MYH4: variants seen among roughly 807,000 people sequenced by gnomAD.
MYH4 encodes myosin heavy chain 4, also known as myosin-4.
In MYH4, 200 loss-of-function variants were observed where a neutral mutation model predicts 229.9. The ratio of observed to expected loss-of-function variants is 0.87; its 90% CI spans 0.78 to 0.98. The LOEUF (loss-of-function observed/expected upper bound fraction) is 0.98. MYH4 is among the 50% of genes least tolerant of loss of function. The probability of loss-of-function intolerance (pLI) is 0.00; values close to 1 mark genes in which losing one functional copy is unlikely to be tolerated. For missense variants in MYH4, 2,148 were observed against 2,332.6 expected (o/e 0.92, Z 1.63); for synonymous variants, 761 against 834.6 (o/e 0.91, Z 1.52).
At chr17:10,453,391 A>G in intron 23 of MYH4, 63 bp from the exon 24 acceptor site, 1 of 1,611,316 alleles carries the variant, frequency 6.2e-7, no homozygotes, top group South Asian at 1.1e-5. Flanking sequence ...GAAAAACATG[A>G]TGCTGTAGTA....
chr17:10,452,457 C>G lies in MYH4; in HGVS notation c.3307G>C (p.Ala1103Pro), dbSNP rs1384106240. ...TTCTTTTGTAGCTGTATTGCAAGGG[C>G]TTGTTCATCTTCAATCTTGCCTTGC... ...NLQGKIEDEQ[A>P]LAIQLQKKIK... The change falls in exon 26 of 40, where the codon GCC becomes CCC. Residue 1103 changes from alanine (A) to proline (P), a missense_variant. Ala to Pro is a conservative substitution (Grantham distance 27). Coordinates refer to ENST00000255381, the MANE Select transcript of MYH4 (RefSeq NM_017533.2). The G allele has an allele frequency of 5.6e-6, 9 of 1,614,128 alleles. No individual in the cohort carries two copies. The highest frequency in any genetic ancestry group is 7.6e-6 in the Non-Finnish European group (9 of 1,180,016).
intron 27 of MYH4, 54 bp downstream of exon 27, chr17:10,451,887 G>C (rs559585333): frequency 1.3e-6 from 2 of 1,543,752 alleles, no homozygotes; most frequent in East Asian, 4.5e-5. Context: ...ATATAAACTT[G>C]GTCATTTTGA....
At chr17:10,460,863 A>T (rs976883695) in intron 12 of MYH4, 53 bp downstream of exon 12, 2 of 1,602,528 alleles carry the variant, frequency 1.2e-6, no homozygotes, top group African/African-American at 2.7e-5. Context: ...CTGCCTCTGA[A>T]AAGTTCACTA....
chr17:10,452,130 T>C lies in MYH4; in HGVS notation c.3549A>G (p.Glu1183=), dbSNP rs752762977. The C allele has an allele frequency of 3.1e-6, 5 of 1,614,096 alleles. No individual in the cohort carries two copies. In the South Asian group the frequency reaches 5.5e-5, roughly 18 times the overall value. ...AEFQKMRRDL[E]ESTLQHEATA... ...TGGCTTCGTGCTGCAGGGTGGACTC[T>C]TCCAGGTCCCTGCGCATTTTCTGGA... is the stretch of plus-strand genomic sequence containing the variant. Residue 1183 remains glutamate (E), a synonymous_variant, in exon 27 of 40, where the codon GAA becomes GAG. Transcript: ENST00000255381.
chr17:10,454,566 G>A lies in MYH4; in HGVS notation c.2680C>T (p.Gln894Ter). The A allele has an allele frequency of 6.2e-7, 1 of 1,613,642 alleles. No individual in the cohort carries two copies. The highest frequency in any genetic ancestry group is 8.5e-7 in the Non-Finnish European group (1 of 1,179,910). Residue 894 changes from glutamine (Q) to a stop codon, truncating the protein, a stop_gained, in exon 22 of 40, where the codon CAA becomes TAA. Transcript: ENST00000255381. LOFTEE classifies it high-confidence loss of function. ...LMQEKNDLQL[Q>*]VQAEADALAD... ...TGTATAATACTTACAGCTTGAACTT[G>A]GAGTTGTAAGTCATTTTTCTCTTGC...
chr17:10,467,549 A>G (rs543937996), intron 2 of MYH4, among the ~76,000 whole-genome samples: 4 of 152,334 alleles, frequency 2.6e-5, no homozygotes, highest in Admixed American at 2.6e-4. Context: ...GAGAAAAGGA[A>G]CTTCTTAATT....
chr17:10,457,054 C>T (rs1048336089), intron 16 of MYH4, among the ~76,000 whole-genome samples: 1 of 152,240 alleles, frequency 6.6e-6, no homozygotes, highest in Non-Finnish European at 1.5e-5. Context: ...TTCAGTTCCC[C>T]AAGCACTAGG....
In MYH4 at chr17:10,453,659, T is replaced by A. The variant is rs2072604053; in HGVS notation, c.2918A>T (p.His973Leu). ...LTLAKVEKEKHATENKVKNLT... is the reference protein window; with the variant it reads ...LTLAKVEKEKLATENKVKNLT... ...GATTTGTACCTTGTTCTCTGTGGCA[T>A]GTTTCTCCTTCTCAACCTTGGCCAG... The change falls in exon 23 of 40, where the codon CAT becomes CTT. Residue 973 changes from histidine to leucine, a missense_variant. By Grantham distance (99) the His-to-Leu change is moderately conservative. Transcript: ENST00000255381. 1.2e-6 allele frequency: 2 copies of A among 1,614,022 alleles called. No individual in the cohort carries two copies. Among genetic ancestry groups the A allele is most frequent in the African/African-American group, 2.7e-5 (2 of 74,942 alleles).
chr17:10,464,863 A>G (rs1161937155), intron 5 of MYH4, among the ~76,000 whole-genome samples, 155 bp from the exon 6 acceptor site: 2 of 152,380 alleles, frequency 1.3e-5, no homozygotes, highest in Non-Finnish European at 2.9e-5. Context: ...TTTTTCTAAA[A>G]ATAAGTATCA....
chr17:10,452,696 A>G, intron 25 of MYH4, 91 bp downstream of exon 25: 6 of 1,420,808 alleles, frequency 4.2e-6, no homozygotes, highest in Non-Finnish European at 5.7e-6. Flanking sequence ...TCCATATGTC[A>G]TGATGTAACA....
At chr17:10,445,197 G>A (rs775129435) in intron 36 of MYH4, 40 bp downstream of exon 36, 5 of 1,614,060 alleles carry the variant, frequency 3.1e-6, no homozygotes, top group Non-Finnish European at 4.2e-6. Context: ...ATAGCAGGCA[G>A]CATGCATGTG....
At position 10,452,941 on chromosome 17, in the gene MYH4, A is replaced by G. The variant is rs760558612; in HGVS notation, c.3112-9T>C. ...TCCAGAGATCCTTCAAGCTAAATTT[A>G]TGATGCATTTTATTTATTTCAGCTC... On this transcript the variant is annotated splice_polypyrimidine_tract_variant and intron_variant, in intron 24 of 39. Transcript: ENST00000255381. 1.6e-5 allele frequency: 26 copies of G among 1,601,044 alleles called. 1 individual carries two copies. Among genetic ancestry groups the G allele is most frequent in the Non-Finnish European group, 2.2e-5 (26 of 1,177,348 alleles).
chr17:10,466,791 G>T lies in MYH4; in HGVS notation c.-39-7C>A. On this transcript the variant is annotated splice_polypyrimidine_tract_variant and splice_region_variant and intron_variant, in intron 2 of 39. Transcript: ENST00000255381. ...AGTACTGGACTAGGTATACCTAGAG[G>T]AAGAAACAGAGCCAAATGATGATTC... 6.2e-7 allele frequency: 1 copy of T among 1,601,640 alleles called. No individual in the cohort carries two copies. Among genetic ancestry groups the T allele is most frequent in the Non-Finnish European group, 8.6e-7 (1 of 1,169,390 alleles).
chr17:10,452,696 A>T (rs1332980639), intron 25 of MYH4, 91 bp downstream of exon 25: 26 of 1,420,690 alleles, frequency 1.8e-5, no homozygotes, highest in Middle Eastern at 2.0e-4. Context: ...TCCATATGTC[A>T]TGATGTAACA....
At chr17:10,452,754 A>T in intron 25 of MYH4, 33 bp downstream of exon 25, 3 of 1,569,690 alleles carry the variant, frequency 1.9e-6, no homozygotes, top group Non-Finnish European at 2.6e-6. Flanking sequence ...GACATACAAC[A>T]AGCAGGTTAT....
Position 10,447,853 on chromosome 17 carries a change from G to A in MYH4, c.4930C>T (p.Leu1644=), listed in dbSNP as rs55912990. The change falls in exon 34 of 40, where the codon CTA becomes TTA. Residue 1644 remains leucine (L), a synonymous_variant. Transcript: ENST00000255381. ...NHANRQAAEA[L]RNLRNTQGIL... is the part of the protein sequence containing the mutation. ...CCTTGTGTGTTTCTAAGATTCCTTA[G>A]TGCCTCAGCAGCCTGGCGGTTGGCA... 1 of 1,613,568 alleles carries A rather than the reference G, an allele frequency of 6.2e-7. No individual in the cohort carries two copies. Among genetic ancestry groups the A allele is most frequent in the Non-Finnish European group, 8.5e-7 (1 of 1,179,780 alleles).
In MYH4 at chr17:10,461,902, T is replaced by G. The variant is rs558294447; in HGVS notation, c.1009-848A>C. On this transcript the variant is annotated intron_variant, in intron 11 of 39. Coordinates refer to ENST00000255381, the MANE Select transcript of MYH4 (RefSeq NM_017533.2). ...TGACTTCCACTTCCAGCTCACTAAC[T>G]CTACCTATTTACAGAAACTAGACAT... Among the ~76,000 whole-genome samples the G allele has an allele frequency of 2.0e-5, 3 of 152,324 alleles. No homozygotes were observed. In the East Asian group the frequency reaches 5.8e-4, roughly 29 times the overall value.
intron 27 of MYH4, 75 bp from the exon 28 acceptor site, chr17:10,451,527 T>G (rs2072573436): frequency 2.7e-6 from 4 of 1,489,626 alleles, no homozygotes; most frequent in Non-Finnish European, 3.6e-6. Context: ...GATCTGTAAC[T>G]ACCTGTGGAA....
intron 27 of MYH4, 22 bp from the exon 28 acceptor site, chr17:10,451,474 A>G (rs754581116): frequency 6.2e-7 from 1 of 1,608,100 alleles, no homozygotes; most frequent in Non-Finnish European, 8.5e-7. Context: ...GGTAGAAAAC[A>G]GGAAGAGACA....
Sources: gnomAD v4.1 joint callset for allele counts (sites outside exome capture counted in the v4.1 genomes callset) on GRCh38, gnomAD v4.1.1 for gene constraint, MANE v1.5 for transcripts, NCBI Gene and HGNC (gene_info 2026-07-23, HGNC 2026-07-21) for gene names.